Variants in KCND3 observed in about 807,000 individuals in gnomAD.
KCND3 encodes the protein potassium voltage-gated channel subfamily D member 3.
In KCND3, 9 loss-of-function variants were observed where a neutral mutation model predicts 51.1. That is an observed-to-expected ratio of 0.18 (90% confidence interval 0.11 to 0.31). KCND3 has a LOEUF of 0.31. KCND3 is among the 10% of genes least tolerant of loss of function. The probability of loss-of-function intolerance (pLI) is 1.00; values close to 1 mark genes in which losing one functional copy is unlikely to be tolerated. For synonymous variants in KCND3, 349 were observed against 368.0 expected, an observed-to-expected ratio of 0.95 and a Z score of 0.59; for missense variants, 526 against 903.8, an observed-to-expected ratio of 0.58 and a Z score of 5.36.
chr1:111,915,913 C>T (rs964267283), intron 2 of KCND3, among the ~76,000 whole-genome samples: 2 of 149,004 alleles, frequency 1.3e-5, no homozygotes, highest in Non-Finnish European at 1.5e-5. Context: ...GTTGATAGAC[C>T]TCAAAATACA....
intron 2 of KCND3, among the ~76,000 whole-genome samples, chr1:111,815,738 C>T (rs150677802): frequency 5.3e-4 from 80 of 151,910 alleles, no homozygotes; most frequent in African/African-American, 1.8e-3. Context: ...GCAATAGTCC[C>T]GAATAACATA....
chr1:111,868,311 C>A (rs1016614159), intron 2 of KCND3, among the ~76,000 whole-genome samples: 3 of 152,204 alleles, frequency 2.0e-5, no homozygotes, highest in African/African-American at 7.2e-5. Flanking sequence ...GCCAGTTAGT[C>A]ATTTAGCAGC....
chr1:111,866,273 T>TA (rs1557986949), intron 2 of KCND3, among the ~76,000 whole-genome samples: 4 of 148,082 alleles, frequency 2.7e-5, no homozygotes, highest in Non-Finnish European at 5.9e-5. Flanking sequence ...CTTTTTTTTT[T>TA]TTTTTTTGAC....
intron 2 of KCND3, among the ~76,000 whole-genome samples, chr1:111,906,761 C>T (rs950635277): frequency 6.6e-6 from 1 of 152,152 alleles, no homozygotes; most frequent in Non-Finnish European, 1.5e-5. Context: ...TCTCTGTGCA[C>T]AAAGCGTCCA....
At chr1:111,897,262 C>T (rs537401974) in intron 2 of KCND3, among the ~76,000 whole-genome samples, 2 of 152,368 alleles carry the variant, frequency 1.3e-5, no homozygotes, top group South Asian at 4.1e-4. Context: ...TGCCTCTCTG[C>T]ACCCTGGTGG....
chr1:111,835,415 G>C (rs1667026108), intron 2 of KCND3, among the ~76,000 whole-genome samples: 1 of 152,172 alleles, frequency 6.6e-6, no homozygotes, highest in Non-Finnish European at 1.5e-5. Flanking sequence ...ATAAGGCTGA[G>C]ACCTACTGGA....
intron 5 of KCND3, 41 bp from the exon 6 acceptor site, chr1:111,778,533 ATTG>A: frequency 6.3e-7 from 1 of 1,583,734 alleles, no homozygotes; most frequent in Non-Finnish European, 8.7e-7. Flanking sequence ...AACACCATTG[ATTG>A]TACATTCCAG....
chr1:111,797,428 C>A (rs1016797385), intron 2 of KCND3, among the ~76,000 whole-genome samples: 1 of 152,166 alleles, frequency 6.6e-6, no homozygotes. Flanking sequence ...ACTTTCCCCC[C>A]CATCCTCCTG....
chr1:111,901,334 A>G (rs148375508), intron 2 of KCND3, among the ~76,000 whole-genome samples: 1 of 152,362 alleles, frequency 6.6e-6, no homozygotes, highest in Non-Finnish European at 1.5e-5. Context: ...GCTACAAAAG[A>G]ATTAAGTCAG....
Position 111,982,207 on chromosome 1 carries a change from C to G in KCND3, c.520G>C (p.Glu174Gln), listed in dbSNP as rs767907252. 2.5e-6 allele frequency: 4 copies of G among 1,614,056 alleles called. No individual in the cohort carries two copies. The Admixed American group carries it at 5.0e-5, about 20-fold the overall frequency. The change falls in exon 2 of 8, where the codon GAG becomes CAG. Residue 174 changes from glutamate (E) to glutamine (Q), a missense_variant. Around this residue, in one of 5 missense-constraint regions of KCND3, gnomAD observed 159 missense variants for 262.8 expected, o/e 0.61. Coordinates refer to ENST00000302127, the MANE Select transcript of KCND3 (RefSeq NM_001378969.1). The surrounding 1 kb of genome is among the most constrained non-coding windows in gnomAD (Gnocchi z 8.5). The stretch of plus-strand genomic sequence containing the variant: ...GCCAGCGTGCTGGTGTGGGGGTTCT[C>G]GAAGGCCCGCCACATGGTCTGGCGG... Reference protein sequence around the residue: ...SFRQTMWRAFENPHTSTLALV... With the variant: ...SFRQTMWRAFQNPHTSTLALV...
intron 2 of KCND3, among the ~76,000 whole-genome samples, chr1:111,878,590 C>A (rs1182651192): frequency 2.0e-5 from 3 of 152,232 alleles, no homozygotes; most frequent in African/African-American, 4.8e-5. Flanking sequence ...AGTGTTGGTG[C>A]TTTAACCCAC....
chr1:111,838,650 C>A (rs895573189), intron 2 of KCND3, among the ~76,000 whole-genome samples: 3 of 151,952 alleles, frequency 2.0e-5, no homozygotes, highest in African/African-American at 7.3e-5. Flanking sequence ...GAGCGAGAGT[C>A]CGTCTCAAAA....
intron 2 of KCND3, among the ~76,000 whole-genome samples, chr1:111,814,880 T>C (rs1301273158): frequency 1.3e-5 from 2 of 152,216 alleles, no homozygotes; most frequent in Admixed American, 1.3e-4. Context: ...CCAGAGTCCC[T>C]AGGATGTGTC....
rs1461547705 is a variant in KCND3, at chr1:111,771,772, CTG to C, written c.*4303_*4304del. 6.6e-6 allele frequency: 1 copy of C among 152,172 alleles called. No individual in the cohort carries two copies. Among genetic ancestry groups the C allele is most frequent in the African/African-American group, 2.4e-5 (1 of 41,432 alleles). The allele number at this position is 152,172 out of a possible 1,614,324, so 9.4% of individuals were successfully genotyped here. On this transcript the variant is annotated 3_prime_UTR_variant, in exon 8 of 8. Transcript: ENST00000302127. ...GTCAACTTTAAGTTCTGTTCAAATTCTGTGTGATTGTAAACTAATGTGTTCAA... is the reference window on the plus strand; with the variant it reads ...GTCAACTTTAAGTTCTGTTCAAATTCTGTGATTGTAAACTAATGTGTTCAA...
At chr1:111,832,162 C>T (rs1226420270) in intron 2 of KCND3, among the ~76,000 whole-genome samples, 3 of 152,178 alleles carry the variant, frequency 2.0e-5, no homozygotes, top group Non-Finnish European at 2.9e-5. Context: ...GTACATTCAC[C>T]CACATTGGGT....
chr1:111,775,722 G>T lies in KCND3; in HGVS notation c.*355C>A. ...CTCTTGGTCTTGTATTTTCCTCACT[G>T]GGGTCTCCAGAAACGACTGTTATTT... On this transcript the variant is annotated 3_prime_UTR_variant, in exon 8 of 8. Transcript: ENST00000302127. The T allele has an allele frequency of 2.8e-6, 1 of 360,084 alleles. No individual in the cohort carries two copies. The highest frequency in any genetic ancestry group is 5.3e-6 in the Non-Finnish European group (1 of 188,172). 22.3% of individuals were successfully genotyped at this position (360,084 alleles called of 1,614,324 possible). A position where few individuals can be genotyped will look rare whatever the true frequency, so the allele number is the denominator to read the frequency against.
chr1:111,879,569 A>T (rs1414136499), intron 2 of KCND3, among the ~76,000 whole-genome samples: 3 of 152,234 alleles, frequency 2.0e-5, no homozygotes, highest in Non-Finnish European at 4.4e-5. Context: ...AGCAGAGAGC[A>T]GCTTACTGGA....
rs144469078 is a variant in KCND3, at chr1:111,877,608, G to A, written c.1107-90502C>T. 1.4e-4 allele frequency among the ~76,000 whole-genome samples: 22 copies of A among 152,312 alleles called. No individual in the cohort carries two copies. In the East Asian group the frequency reaches 3.5e-3, roughly 24 times the overall value. ...AAGGGTTCTATCTCGTGCCACAAGG[G>A]TCAACAGCCATTGCTCCTATTTTCC... is the stretch of plus-strand genomic sequence containing the variant. On this transcript the variant is annotated intron_variant, in intron 2 of 7. Transcript: ENST00000302127.
At chr1:111,824,788 T>C (rs531156396) in intron 2 of KCND3, among the ~76,000 whole-genome samples, 1 of 152,298 alleles carries the variant, frequency 6.6e-6, no homozygotes, top group South Asian at 2.1e-4. Context: ...CCAACCCCTC[T>C]TCCTTACCCC....
Sources: gnomAD v4.1 joint callset for allele counts (sites outside exome capture counted in the v4.1 genomes callset) on GRCh38, gnomAD v4.1.1 for gene constraint, gnomAD v4.1.1 regional missense constraint, Gnocchi (gnomAD v3.1) non-coding constraint, MANE v1.5 for transcripts, NCBI Gene and HGNC (gene_info 2026-07-23, HGNC 2026-07-21) for gene names.